Variants in PIK3CB observed in about 807,000 individuals in gnomAD.
PIK3CB encodes the protein phosphatidylinositol 4,5-bisphosphate 3-kinase catalytic subunit beta isoform.
In PIK3CB, 39 loss-of-function variants were observed where a neutral mutation model predicts 136.8. The observed-to-expected ratio is 0.29, with a 90% confidence interval of 0.22 to 0.37. PIK3CB has a LOEUF of 0.37. Among genes scored for constraint, PIK3CB ranks in the 10% least tolerant of loss-of-function variants. PIK3CB has a pLI of 1.00. For missense variants in PIK3CB, 868 were observed against 1,275.4 expected, an observed-to-expected ratio of 0.68 and a Z score of 4.87; for synonymous variants, 428 against 436.6, an observed-to-expected ratio of 0.98 and a Z score of 0.25.
At chr3:138,790,898 G>C (rs1310940153) in intron 2 of PIK3CB, among the ~76,000 whole-genome samples, 1 of 150,286 alleles carries the variant, frequency 6.7e-6, no homozygotes, top group Non-Finnish European at 1.5e-5. Flanking sequence ...GGGAGGTGGA[G>C]GTTGCAGCAA....
At chr3:138,730,116 G>C (rs1190583145) in intron 8 of PIK3CB, among the ~76,000 whole-genome samples, 1 of 152,082 alleles carries the variant, frequency 6.6e-6, no homozygotes, top group Admixed American at 6.6e-5. Flanking sequence ...ATCCTGCTGG[G>C]GAGAAGAAAG....
At chr3:138,828,739 A>G (rs903540072) in intron 1 of PIK3CB, among the ~76,000 whole-genome samples, 3 of 152,030 alleles carry the variant, frequency 2.0e-5, no homozygotes, top group African/African-American at 7.2e-5. Flanking sequence ...ACTGGACTCC[A>G]GCTTAGGCAG....
intron 1 of PIK3CB, among the ~76,000 whole-genome samples, chr3:138,801,990 C>A (rs2108843403): frequency 6.6e-6 from 1 of 151,154 alleles, no homozygotes; most frequent in East Asian, 2.0e-4. Context: ...CTGCAGTGAA[C>A]TATGATGGTG....
At chr3:138,732,335 C>T (rs2044999419) in intron 8 of PIK3CB, among the ~76,000 whole-genome samples, 1 of 152,074 alleles carries the variant, frequency 6.6e-6, no homozygotes, top group South Asian at 2.1e-4. Flanking sequence ...TTTTTCACAG[C>T]CTCACCCACT....
intron 3 of PIK3CB, among the ~76,000 whole-genome samples, chr3:138,758,922 A>G (rs1270713083): frequency 2.0e-5 from 3 of 152,172 alleles, no homozygotes; most frequent in Admixed American, 2.0e-4. Context: ...CAAAAATCAC[A>G]TTTTTAAAAG....
intron 10 of PIK3CB, among the ~76,000 whole-genome samples, chr3:138,709,328 G>GA (rs5852920): frequency 1.3e-5 from 2 of 151,458 alleles, no homozygotes; most frequent in Non-Finnish European, 2.9e-5. Flanking sequence ...GGCATGGGGG[G>GA]AAAAACAGTT....
chr3:138,665,165 G>C lies in PIK3CB; in HGVS notation c.2543C>G (p.Ser848Cys), dbSNP rs150848927. The change falls in exon 20 of 24, where the codon TCT (serine) becomes TGT (cysteine). Residue 848 changes from serine (S) to cysteine (C), a missense_variant. Ser to Cys is a moderately radical substitution (Grantham distance 112). Transcript: ENST00000674063. ...PYGCLATGDR[S>C]GLIEVVSTSE... ...GGTGCTCACAACTTCAATGAGGCCA[G>C]AGCGATCTCCTGTTGCTAAACAGCC... is the stretch of plus-strand genomic sequence containing the variant. 4 of 1,610,962 alleles carry C rather than the reference G, an allele frequency of 2.5e-6. No homozygotes were observed. The African/African-American group carries it at 4.0e-5, about 16-fold the overall frequency.
At chr3:138,697,010 T>C (rs1204270947) in intron 13 of PIK3CB, among the ~76,000 whole-genome samples, 1 of 152,238 alleles carries the variant, frequency 6.6e-6, no homozygotes, top group East Asian at 1.9e-4. Context: ...TTGGTAAGAT[T>C]ATTTATAATT....
At chr3:138,676,364 T>A (rs1047645143) in intron 19 of PIK3CB, among the ~76,000 whole-genome samples, 1 of 152,218 alleles carries the variant, frequency 6.6e-6, no homozygotes, top group African/African-American at 2.4e-5. Flanking sequence ...TGTACATTGC[T>A]GGTTGGAATG....
At chr3:138,695,750 T>C (rs1047731168) in intron 13 of PIK3CB, among the ~76,000 whole-genome samples, 5 of 152,016 alleles carry the variant, frequency 3.3e-5, no homozygotes, top group African/African-American at 1.2e-4. Context: ...TTTATATAAA[T>C]TGTTAACTTT....
chr3:138,825,257 AG>A (rs1208385799), intron 1 of PIK3CB: 8 of 393,106 alleles, frequency 2.0e-5, no homozygotes, highest in Non-Finnish European at 3.7e-5. Flanking sequence ...ACATGATTAT[AG>A]GGACATCTCA....
intron 1 of PIK3CB, among the ~76,000 whole-genome samples, chr3:138,811,165 T>G (rs1933026996): frequency 2.2e-5 from 3 of 136,632 alleles, no homozygotes; most frequent in Admixed American, 1.7e-4. Context: ...AGGCGAGGGT[T>G]GCAGTGAGCA....
At chr3:138,684,349 A>G (rs115059510) in intron 17 of PIK3CB, among the ~76,000 whole-genome samples, 63 of 152,318 alleles carry the variant, frequency 4.1e-4, no homozygotes, top group African/African-American at 1.5e-3. Context: ...AGGATTGTCA[A>G]CTCTTAAAAA....
At position 138,654,941 on chromosome 3, in the gene PIK3CB, A is replaced by G; in HGVS notation, c.*448T>C. 1 of 219,154 alleles carries G rather than the reference A, an allele frequency of 4.6e-6. No homozygotes were observed. Among genetic ancestry groups the G allele is most frequent in the Non-Finnish European group, 9.2e-6 (1 of 109,286 alleles). 13.6% of individuals were successfully genotyped at this position (219,154 alleles called of 1,614,324 possible). A position where few individuals can be genotyped will look rare whatever the true frequency, so the allele number is the denominator to read the frequency against. The stretch of plus-strand genomic sequence containing the variant: ...TGCAGTTTACACAATTTTAAAAGGG[A>G]AGAAAGATGCCTTTCTTTTTAGCTT... On this transcript the variant is annotated 3_prime_UTR_variant, in exon 24 of 24. Coordinates refer to ENST00000674063, the MANE Select transcript of PIK3CB (RefSeq NM_006219.3).
At chr3:138,694,128 T>A (rs2044085129) in intron 14 of PIK3CB, among the ~76,000 whole-genome samples, 2 of 151,454 alleles carry the variant, frequency 1.3e-5, no homozygotes, top group Admixed American at 6.6e-5. Context: ...ATGGCTAGCA[T>A]CTGGGAATTA....
chr3:138,688,204 A>G (rs2043932841), intron 16 of PIK3CB, among the ~76,000 whole-genome samples: 1 of 152,122 alleles, frequency 6.6e-6, no homozygotes, highest in Non-Finnish European at 1.5e-5. Context: ...AATCTGATAT[A>G]AAAATAGGGT....
At chr3:138,805,246 T>C (rs1041844133) in intron 1 of PIK3CB, among the ~76,000 whole-genome samples, 6 of 150,164 alleles carry the variant, frequency 4.0e-5, no homozygotes, top group African/African-American at 1.2e-4. Flanking sequence ...GGCAGGAGAA[T>C]TCCTTGAACC....
intron 17 of PIK3CB, among the ~76,000 whole-genome samples, chr3:138,683,992 A>G (rs2043832987): frequency 2.0e-5 from 3 of 152,194 alleles, no homozygotes; most frequent in Admixed American, 2.0e-4. Context: ...GATAGGCTGG[A>G]CTCAAAACCT....
In PIK3CB at chr3:138,759,306, T is replaced by C. The variant is rs752021744; in HGVS notation, c.38A>G (p.Asp13Gly). The C allele has an allele frequency of 1.9e-6, 3 of 1,611,372 alleles. No homozygotes were observed. Among genetic ancestry groups the C allele is most frequent in the Non-Finnish European group, 2.5e-6 (3 of 1,177,888 alleles). Residue 13 changes from aspartate to glycine, a missense_variant, in exon 3 of 24, where the codon GAC (aspartate) becomes GGC (glycine). Physicochemically the swap from Asp to Gly is moderately conservative, Grantham distance 94 (BLOSUM62 -1). Around this residue, in one of 4 missense-constraint regions of PIK3CB, gnomAD observed 612 missense variants for 801.1 expected, o/e 0.76. Coordinates refer to ENST00000674063, the MANE Select transcript of PIK3CB (RefSeq NM_006219.3). The part of the protein sequence containing the change: ...FSFIMPPAMA[D>G]ILDIWAVDSQ... ...ATCCACCGCCCAGATGTCAAGGATG[T>C]CTGCCATAGCAGGAGGCATTATGAA...
Sources: allele counts gnomAD v4.1 joint callset (sites outside exome capture counted in the v4.1 genomes callset), GRCh38; gene constraint gnomAD v4.1.1; regional missense constraint gnomAD v4.1.1; transcripts MANE v1.5; gene names NCBI Gene and HGNC (gene_info 2026-07-23, HGNC 2026-07-21).